AFF3: variants seen among roughly 807,000 people sequenced by gnomAD.
The protein encoded by AFF3 is ALF transcription elongation factor 3, also known as AF4/FMR2 family member 3.
Under a neutral mutation model 129.7 loss-of-function variants are expected in AFF3, and 32 were observed. The ratio of observed to expected loss-of-function variants is 0.25; its 90% CI spans 0.19 to 0.33. The LOEUF (loss-of-function observed/expected upper bound fraction) is 0.33. Ranked by LOEUF, AFF3 falls within the 10% of genes least tolerant of loss-of-function variation. The probability of loss-of-function intolerance (pLI) is 1.00; values close to 1 mark genes in which losing one functional copy is unlikely to be tolerated. For synonymous variants in AFF3, 644 were observed against 635.4 expected, an observed-to-expected ratio of 1.01 and a Z score of -0.20; for missense variants, 1,373 against 1,592.0, an observed-to-expected ratio of 0.86 and a Z score of 2.34.
rs1188396999 is a variant in AFF3, at chr2:99,625,433, G to GATGTGTGGTGCTGAGC, written c.1185-23828_1185-23813dup. ...ATCTTTCTTATCCATCCAACATAAAGATGTGTGGTGCTGAGCATGTCTGGT... is the reference window on the plus strand; with the variant it reads ...ATCTTTCTTATCCATCCAACATAAAGATGTGTGGTGCTGAGCATGTGTGGTGCTGAGCATGTCTGGT... On this transcript the variant is annotated intron_variant, in intron 13 of 24. Transcript: ENST00000672756. Among the ~76,000 whole-genome samples, 7 of 152,270 alleles carry GATGTGTGGTGCTGAGC rather than the reference G, an allele frequency of 4.6e-5. No homozygotes were observed. In the South Asian group the frequency reaches 1.4e-3, roughly 32 times the overall value.
intron 8 of AFF3, among the ~76,000 whole-genome samples, chr2:99,835,643 T>A (rs2105782779): frequency 6.6e-6 from 1 of 152,188 alleles, no homozygotes; most frequent in Non-Finnish European, 1.5e-5. Flanking sequence ...CACCATCATC[T>A]CTCTTTCCTC....
intron 10 of AFF3, among the ~76,000 whole-genome samples, chr2:99,736,112 C>T (rs1680231713): frequency 6.6e-6 from 1 of 152,094 alleles, no homozygotes; most frequent in Non-Finnish European, 1.5e-5. Context: ...GCATATTCTG[C>T]AGCTGTTGGG....
intron 4 of AFF3, among the ~76,000 whole-genome samples, chr2:100,086,352 C>A (rs942083230): frequency 1.7e-4 from 25 of 151,368 alleles, no homozygotes; most frequent in African/African-American, 5.6e-4. Context: ...GAAACCCAGT[C>A]TCTACTAAAT....
chr2:99,690,956 T>C (rs1675599784), intron 11 of AFF3, among the ~76,000 whole-genome samples: 1 of 151,912 alleles, frequency 6.6e-6, no homozygotes, highest in African/African-American at 2.4e-5. Flanking sequence ...CTGGGTGTGT[T>C]TCTGTTTGAA....
At chr2:99,769,217 T>A (rs935577444) in intron 8 of AFF3, among the ~76,000 whole-genome samples, 2 of 152,178 alleles carry the variant, frequency 1.3e-5, no homozygotes, top group African/African-American at 2.4e-5. Context: ...ATCATACATT[T>A]TCAAACAGCC....
intron 11 of AFF3, among the ~76,000 whole-genome samples, chr2:99,709,521 T>A (rs367658857): frequency 2.6e-5 from 4 of 152,162 alleles, no homozygotes; most frequent in South Asian, 2.1e-4. Flanking sequence ...AACTGGGTCA[T>A]GAGAGAAAAG....
Position 99,594,089 on chromosome 2 carries a change from C to T in AFF3, c.1572G>A (p.Lys524=), listed in dbSNP as rs200652531. ...CQPSLREKEI[K]STCKEEQRPR... The stretch of plus-strand genomic sequence containing the variant: ...GCCTTTGCTCCTCCTTGCAAGTGCT[C>T]TTGATCTCCTTCTCTCTCAGGCTGG... Residue 524 remains lysine (K), a synonymous_variant, in exon 15 of 25, where the codon AAG becomes AAA. Transcript: ENST00000672756. 70 of 1,614,090 alleles carry T rather than the reference C, an allele frequency of 4.3e-5. No individual in the cohort carries two copies. The East Asian group carries it at 1.4e-3, about 31-fold the overall frequency.
At chr2:100,128,470 A>C (rs1294306057) in intron 2 of AFF3, among the ~76,000 whole-genome samples, 1 of 152,182 alleles carries the variant, frequency 6.6e-6, no homozygotes, top group Non-Finnish European at 1.5e-5. Context: ...GTTAAGGAAG[A>C]CCAGAGTGAC....
chr2:99,748,913 G>A (rs1040873640), intron 9 of AFF3, among the ~76,000 whole-genome samples: 1 of 152,158 alleles, frequency 6.6e-6, no homozygotes, highest in Non-Finnish European at 1.5e-5. Flanking sequence ...TGGAAACCAC[G>A]ATTCTCCTCA....
intron 18 of AFF3, among the ~76,000 whole-genome samples, chr2:99,569,669 C>T (rs192925453): frequency 8.5e-5 from 13 of 152,212 alleles, no homozygotes; most frequent in South Asian, 2.1e-4. Context: ...GGCCCAGTTA[C>T]GCTAAGGTAC....
At position 99,648,881 on chromosome 2, in the gene AFF3, GCGCGCA is replaced by G. The variant is rs1347948520; in HGVS notation, c.1184+739_1184+744del. 1.7e-3 allele frequency among the ~76,000 whole-genome samples: 110 copies of G among 64,922 alleles called. 1 individual carries two copies. The highest frequency in any genetic ancestry group is 5.0e-3 in the African/African-American group (98 of 19,440). The allele number at this position is 64,922 out of a possible 152,430, so 42.6% of individuals were successfully genotyped here. A position where few individuals can be genotyped will look rare whatever the true frequency, so the allele number is the denominator to read the frequency against. ...ACCTCCTGACAGTTCCTCAAAACACGCGCGCACACACACACACACACACACACACAC... is the reference window on the plus strand; with the variant it reads ...ACCTCCTGACAGTTCCTCAAAACACGCACACACACACACACACACACACAC... On this transcript the variant is annotated intron_variant, in intron 13 of 24. Transcript: ENST00000672756.
chr2:99,752,257 G>T lies in AFF3; in HGVS notation c.966C>A (p.Gly322=), dbSNP rs879203595. The T allele has an allele frequency of 1.9e-6, 3 of 1,613,996 alleles. No individual in the cohort carries two copies. Among genetic ancestry groups the T allele is most frequent in the Non-Finnish European group, 2.5e-6 (3 of 1,179,916 alleles). ...ATGGAAATTTGGTTGGTTCCACTTTGCCAGGTGCTTGAATAGCAGAAAGTG... is the reference window on the plus strand; with the variant it reads ...ATGGAAATTTGGTTGGTTCCACTTTTCCAGGTGCTTGAATAGCAGAAAGTG... ...LPPLSAIQAP[G]KVEPTKFPFP... The change falls in exon 9 of 25, where the codon GGC becomes GGA. Residue 322 remains glycine, a synonymous_variant. Transcript: ENST00000672756.
chr2:99,649,525 A>T, intron 13 of AFF3, 101 bp downstream of exon 13: 2 of 1,304,628 alleles, frequency 1.5e-6, no homozygotes, highest in Non-Finnish European at 2.2e-6. Context: ...CAGTTCAGAG[A>T]TACTTTAGGG....
chr2:99,816,036 T>C (rs1490896590), intron 8 of AFF3, among the ~76,000 whole-genome samples: 1 of 151,576 alleles, frequency 6.6e-6, no homozygotes, highest in East Asian at 1.9e-4. Context: ...TTGGATGATC[T>C]GTTCTTTTTT....
intron 7 of AFF3, among the ~76,000 whole-genome samples, chr2:99,860,798 G>T (rs534905119): frequency 6.6e-6 from 1 of 152,154 alleles, no homozygotes; most frequent in African/African-American, 2.4e-5. Context: ...GTGATCACCT[G>T]ACATATGTAT....
At chr2:99,840,552 A>G (rs574078802) in intron 7 of AFF3, among the ~76,000 whole-genome samples, 6 of 152,332 alleles carry the variant, frequency 3.9e-5, no homozygotes, top group Admixed American at 3.3e-4. Flanking sequence ...GTTCAATATC[A>G]TGACACCAAT....
At chr2:100,070,806 T>C (rs990346368) in intron 4 of AFF3, among the ~76,000 whole-genome samples, 3 of 152,200 alleles carry the variant, frequency 2.0e-5, no homozygotes, top group Non-Finnish European at 4.4e-5. Context: ...CCAAGATCTG[T>C]TGAATGAAGT....
intron 12 of AFF3, among the ~76,000 whole-genome samples, chr2:99,663,543 T>C (rs190839342): frequency 2.4e-4 from 36 of 152,326 alleles, no homozygotes; most frequent in African/African-American, 8.2e-4. Flanking sequence ...CAAATATTGA[T>C]TGGGGATTAA....
intron 4 of AFF3, among the ~76,000 whole-genome samples, chr2:100,083,335 G>A (rs1185396251): frequency 2.0e-5 from 3 of 152,142 alleles, no homozygotes; most frequent in African/African-American, 7.2e-5. Flanking sequence ...ACAAGAGAAC[G>A]CCCTACAGGC....
Sources: allele counts gnomAD v4.1 joint callset (sites outside exome capture counted in the v4.1 genomes callset), GRCh38; gene constraint gnomAD v4.1.1; transcripts MANE v1.5; gene names NCBI Gene and HGNC (gene_info 2026-07-23, HGNC 2026-07-21).